The following DDB1 variants were observed in gnomAD, a reference collection of about 807,000 sequenced individuals.
DDB1 encodes damage specific DNA binding protein 1.
A neutral mutation model predicts 133.1 loss-of-function variants in DDB1; 18 were observed. The observed-to-expected ratio is 0.14, with a 90% CI of 0.09 to 0.20. The LOEUF is 0.20. DDB1 is among the 10% of genes least tolerant of loss of function. The pLI is 1.00. For synonymous variants in DDB1, 580 were observed against 550.5 expected (o/e 1.05, Z -0.75); for missense variants, 828 against 1,459.2 (o/e 0.57, Z 7.05).
chr11:61,319,445 T>C (rs916447560), intron 10 of DDB1, among the ~76,000 whole-genome samples: 1 of 151,954 alleles, frequency 6.6e-6, no homozygotes, highest in Non-Finnish European at 1.5e-5. Flanking sequence ...TTTTCTTTTT[T>C]TTTTTGAGAT....
intron 21 of DDB1, among the ~76,000 whole-genome samples, chr11:61,307,690 C>T (rs1294293812): frequency 6.6e-6 from 1 of 152,200 alleles, no homozygotes; most frequent in Non-Finnish European, 1.5e-5. Context: ...CCATACCTCT[C>T]TCATTGTTAT....
At position 61,302,740 on chromosome 11, in the gene DDB1, G is replaced by C. The variant is rs1855820475; in HGVS notation, c.2954C>G (p.Thr985Ser). Residue 985 changes from threonine (T) to serine (S), a missense_variant, in exon 24 of 27, where the codon ACT becomes AGT. Coordinates refer to ENST00000301764, the MANE Select transcript of DDB1 (RefSeq NM_001923.5). ...CTGGAGGTGCTGCCGCTCCTCGTCA[G>C]TGGTGGCAGCGCTGAAAGGCGGTAA... ...FVCQKDSAAT[T>S]DEERQHLQEV... The C allele has an allele frequency of 6.2e-7, 1 of 1,614,108 alleles. No homozygotes were observed. Among genetic ancestry groups the C allele is most frequent in the Non-Finnish European group, 8.5e-7 (1 of 1,180,036 alleles).
intron 16 of DDB1, 120 bp from the exon 17 acceptor site, chr11:61,312,204 A>C: frequency 2.5e-6 from 2 of 796,722 alleles, no homozygotes; most frequent in Non-Finnish European, 4.3e-6. Flanking sequence ...TCCATGCTAA[A>C]CATCACCTGG....
At chr11:61,300,711 T>C in intron 26 of DDB1, 98 bp downstream of exon 26, 1 of 1,545,246 alleles carries the variant, frequency 6.5e-7, no homozygotes, top group Non-Finnish European at 8.8e-7. Flanking sequence ...CCCTCGCATC[T>C]TGGAACTGAG....
chr11:61,305,366 G>A (rs576019857), intron 21 of DDB1, among the ~76,000 whole-genome samples: 19 of 152,288 alleles, frequency 1.2e-4, no homozygotes, highest in Non-Finnish European at 2.4e-4. Context: ...AATCAGCTGG[G>A]CATTGTGACG....
At chr11:61,332,859 T>TC (rs1268011737) in intron 1 of DDB1, 49 bp downstream of exon 1, 3 of 1,386,596 alleles carry the variant, frequency 2.2e-6, no homozygotes, top group South Asian at 1.5e-5. Flanking sequence ...AGGCCGCGGC[T>TC]CCCCCCAACT....
rs1054086590 is a variant in DDB1, at chr11:61,330,031, T to C, written c.254A>G (p.Asn85Ser). The C allele has an allele frequency of 5.9e-5, 95 of 1,613,820 alleles. No homozygotes were observed. Among genetic ancestry groups the C allele is most frequent in the Non-Finnish European group, 7.1e-5 (84 of 1,179,846 alleles). ...CTGTTTATACTCCAGGATGCAGGCA[T>C]TGTACTTCGCTGTCAAGATAAACAG... The part of the protein sequence containing the change: ...DLLFILTAKY[N>S]ACILEYKQSG... Residue 85 changes from asparagine to serine, a missense_variant, in exon 3 of 27, where the codon AAT (asparagine) becomes AGT (serine). Transcript: ENST00000301764.
intron 10 of DDB1, among the ~76,000 whole-genome samples, chr11:61,319,735 T>C (rs942347050): frequency 6.6e-6 from 1 of 152,230 alleles, no homozygotes; most frequent in Non-Finnish European, 1.5e-5. Flanking sequence ...CGGCCTCTCA[T>C]TGCTCTTTTT....
chr11:61,316,643 CA>C, intron 10 of DDB1, 76 bp from the exon 11 acceptor site: 2 of 1,478,736 alleles, frequency 1.4e-6, no homozygotes, highest in Non-Finnish European at 1.9e-6. Context: ...CAGGGCAGGC[CA>C]GGGGCAGTGG....
chr11:61,315,930 T>G (rs1178647235), intron 12 of DDB1: 1 of 176,810 alleles, frequency 5.7e-6, no homozygotes, highest in East Asian at 1.5e-4. Context: ...TAAATAAGGA[T>G]GTATCACTAG....
intron 22 of DDB1, 180 bp from the exon 23 acceptor site, chr11:61,303,335 T>C (rs1198121111): frequency 3.5e-6 from 2 of 571,152 alleles, no homozygotes; most frequent in South Asian, 2.0e-5. Context: ...CGCAGCCCAT[T>C]TGGTTGCCAA....
intron 21 of DDB1, among the ~76,000 whole-genome samples, chr11:61,306,616 A>C (rs1855886089): frequency 6.6e-6 from 1 of 152,004 alleles, no homozygotes; most frequent in Non-Finnish European, 1.5e-5. Flanking sequence ...ACCACCTCTT[A>C]AAGCCTGGCA....
At chr11:61,316,946 G>GATATATATAT (rs58564398) in intron 10 of DDB1, among the ~76,000 whole-genome samples, 25 of 29,030 alleles carry the variant, frequency 8.6e-4, no homozygotes, top group Non-Finnish European at 1.1e-3. Context: ...AAAAAGGATA[G>GATATATATAT]ATATATATAT....
chr11:61,301,004 G>A (rs1855783472), intron 25 of DDB1, 72 bp from the exon 26 acceptor site: 1 of 1,590,420 alleles, frequency 6.3e-7, no homozygotes, highest in South Asian at 1.1e-5. Flanking sequence ...CTTTGAATAA[G>A]ACCACAATCT....
intron 4 of DDB1, among the ~76,000 whole-genome samples, chr11:61,328,523 AC>A (rs1787449795): frequency 6.6e-6 from 1 of 152,212 alleles, no homozygotes; most frequent in African/African-American, 2.4e-5. Flanking sequence ...GGACCAGAGA[AC>A]AGCTGCCCAG....
At chr11:61,317,492 A>AATTT (rs941029806) in intron 10 of DDB1, among the ~76,000 whole-genome samples, 1 of 151,726 alleles carries the variant, frequency 6.6e-6, no homozygotes, top group African/African-American at 2.4e-5. Flanking sequence ...CCAAAGTCTA[A>AATTT]ATTTATTTAT....
rs1855813713 is a variant in DDB1 at position 61,302,457 on chromosome 11, C to T, written c.3113-98G>A. The T allele has an allele frequency of 1.5e-5, 23 of 1,565,490 alleles. No homozygotes were observed. The South Asian group carries it at 2.6e-4, about 18-fold the overall frequency. On this transcript the variant is annotated intron_variant, in intron 24 of 26. Transcript: ENST00000301764. ...GCCCAGGTGAGCAGCTCAGGGAGGG[C>T]TAATGTGCTGCAGCCTCCTCTAGTA...
At chr11:61,300,662 A>G in intron 26 of DDB1, 147 bp downstream of exon 26, 2 of 1,317,556 alleles carry the variant, frequency 1.5e-6, no homozygotes, top group South Asian at 1.5e-5. Flanking sequence ...CTTTTCCCTC[A>G]GACTCCACCT....
intron 6 of DDB1, among the ~76,000 whole-genome samples, chr11:61,324,704 C>CA (rs1281578212): frequency 6.6e-6 from 1 of 152,050 alleles, no homozygotes; most frequent in Non-Finnish European, 1.5e-5. Context: ...TCTTTTTTCT[C>CA]AAAAAGAAAG....
Sources: gnomAD v4.1 joint callset for allele counts (sites outside exome capture counted in the v4.1 genomes callset) on GRCh38, gnomAD v4.1.1 for gene constraint, MANE v1.5 for transcripts, NCBI Gene and HGNC (gene_info 2026-07-23, HGNC 2026-07-21) for gene names.